The following NAALADL2 variants were observed in gnomAD, a reference collection of about 807,000 sequenced individuals.
The protein encoded by NAALADL2 is inactive N-acetylated-alpha-linked acidic dipeptidase-like protein 2.
In NAALADL2, 76 loss-of-function variants were observed where a neutral mutation model predicts 87.2. The observed-to-expected ratio is 0.87, with a 90% CI of 0.72 to 1.05. The LOEUF is 1.05. NAALADL2 is among the 50% of genes least tolerant of loss of function. The probability of loss-of-function intolerance (pLI) is 0.00; values close to 1 mark genes in which losing one functional copy is unlikely to be tolerated. For synonymous variants in NAALADL2, 354 were observed against 331.0 expected, an observed-to-expected ratio of 1.07 and a Z score of -0.75; for missense variants, 1,089 against 945.8, an observed-to-expected ratio of 1.15 and a Z score of -1.99.
At chr3:175,131,633 G>A (rs989909318) in intron 2 of NAALADL2, among the ~76,000 whole-genome samples, 2 of 152,150 alleles carry the variant, frequency 1.3e-5, no homozygotes, top group South Asian at 4.1e-4. Flanking sequence ...TTGTCATCCT[G>A]GCCCGTTCTC....
intron 11 of NAALADL2, among the ~76,000 whole-genome samples, chr3:175,697,758 T>A (rs2149945015): frequency 6.8e-6 from 1 of 147,812 alleles, no homozygotes; most frequent in South Asian, 2.1e-4. Context: ...CACATGTAAA[T>A]GTATGTATAC....
chr3:175,274,059 A>G (rs913915551), intron 4 of NAALADL2, among the ~76,000 whole-genome samples: 1 of 152,182 alleles, frequency 6.6e-6, no homozygotes, highest in South Asian at 2.1e-4. Context: ...TCATACTGCT[A>G]ATAAAGAATA....
intron 9 of NAALADL2, among the ~76,000 whole-genome samples, chr3:175,503,306 C>T (rs988054915): frequency 2.0e-5 from 3 of 152,094 alleles, no homozygotes; most frequent in African/African-American, 4.8e-5. Context: ...CTGTGTACCA[C>T]CTTTTCTTTA....
intron 2 of NAALADL2, among the ~76,000 whole-genome samples, chr3:174,566,406 G>A (rs1161873613): frequency 2.0e-5 from 3 of 151,760 alleles, no homozygotes; most frequent in African/African-American, 7.2e-5. Flanking sequence ...TATTTGTAGA[G>A]GATCTGGCTT....
At chr3:175,067,465 C>G (rs958834384) in intron 1 of NAALADL2, among the ~76,000 whole-genome samples, 18 of 152,032 alleles carry the variant, frequency 1.2e-4, no homozygotes, top group African/African-American at 4.3e-4. Context: ...CAAGACATAT[C>G]AGCGGCCAAC....
At chr3:175,231,220 T>TTG (rs1744889213) in intron 2 of NAALADL2, among the ~76,000 whole-genome samples, 1 of 152,044 alleles carries the variant, frequency 6.6e-6, no homozygotes. Context: ...AGATTGATGC[T>TTG]ACCCTGGGGA....
chr3:174,535,541 C>G (rs1721641740), intron 1 of NAALADL2, among the ~76,000 whole-genome samples: 1 of 152,072 alleles, frequency 6.6e-6, no homozygotes, highest in Admixed American at 6.6e-5. Context: ...TGACAATTTG[C>G]TATGAACCGG....
intron 10 of NAALADL2, among the ~76,000 whole-genome samples, chr3:175,583,945 A>T (rs1215910075): frequency 6.6e-6 from 1 of 152,122 alleles, no homozygotes; most frequent in Non-Finnish European, 1.5e-5. Context: ...TGCGTCAGGC[A>T]TTGTTCTGTT....
intron 1 of NAALADL2, among the ~76,000 whole-genome samples, chr3:174,471,840 C>T (rs1374644018): frequency 2.0e-5 from 3 of 151,986 alleles, no homozygotes; most frequent in Non-Finnish European, 2.9e-5. Flanking sequence ...CTATTCCTGT[C>T]AATAACTTTG....
chr3:175,063,295 T>C (rs574578728), intron 1 of NAALADL2, among the ~76,000 whole-genome samples: 73 of 152,240 alleles, frequency 4.8e-4, no homozygotes, highest in African/African-American at 1.6e-3. Context: ...AATTAAACAA[T>C]TGATTTGATA....
chr3:175,155,605 C>A (rs984009568), intron 2 of NAALADL2, among the ~76,000 whole-genome samples: 1 of 152,034 alleles, frequency 6.6e-6, no homozygotes, highest in East Asian at 1.9e-4. Context: ...TTTCTATTTG[C>A]TTTATGCTAT....
At chr3:175,532,576 G>A (rs1039473463) in intron 9 of NAALADL2, among the ~76,000 whole-genome samples, 8 of 152,134 alleles carry the variant, frequency 5.3e-5, no homozygotes, top group Non-Finnish European at 7.4e-5. Context: ...AATGCAGTAG[G>A]CTGCCTATCA....
chr3:175,285,199 A>G (rs182165842), intron 4 of NAALADL2, among the ~76,000 whole-genome samples: 160 of 152,296 alleles, frequency 1.1e-3, no homozygotes, highest in Non-Finnish European at 2.0e-3. Context: ...AAAATCCTAT[A>G]AAACTTTTTA....
At position 175,804,989 on chromosome 3, in the gene NAALADL2, G is replaced by A. The variant is rs1754577715; in HGVS notation, c.*1786G>A. 6.6e-6 allele frequency: 1 copy of A among 151,798 alleles called. No homozygotes were observed. Among genetic ancestry groups the A allele is most frequent in the Non-Finnish European group, 1.5e-5 (1 of 67,856 alleles). 9.4% of individuals were successfully genotyped at this position (151,798 alleles called of 1,614,324 possible). ...TTGCCATGTTGAAGAGTGTGTATAG[G>A]AAAGGTCTAGAAATAAATAGGCTTG... On this transcript the variant is annotated 3_prime_UTR_variant, in exon 14 of 14. Transcript: ENST00000454872.
intron 3 of NAALADL2, among the ~76,000 whole-genome samples, chr3:174,828,162 A>AC (rs200210407): frequency 0.019 from 2,937 of 151,538 alleles, 102 homozygotes; most frequent in African/African-American, 0.068. Flanking sequence ...CTCTGAAACC[A>AC]ACCACACACA....
intron 2 of NAALADL2, among the ~76,000 whole-genome samples, chr3:174,640,789 T>G (rs771201017): frequency 6.6e-6 from 1 of 152,220 alleles, no homozygotes; most frequent in Non-Finnish European, 1.5e-5. Flanking sequence ...TGGCATTGCT[T>G]GCTGCTAGGG....
At chr3:175,126,022 T>C (rs1292940343) in intron 2 of NAALADL2, among the ~76,000 whole-genome samples, 1 of 152,094 alleles carries the variant, frequency 6.6e-6, no homozygotes, top group Admixed American at 6.6e-5. Flanking sequence ...TAAGAGTATG[T>C]AGTGTTCAAC....
intron 3 of NAALADL2, among the ~76,000 whole-genome samples, chr3:174,770,859 A>T (rs568866485): frequency 1.4e-5 from 2 of 147,702 alleles, no homozygotes; most frequent in Non-Finnish European, 3.0e-5. Context: ...AAAAAAAAAA[A>T]GAAAAAAAAA....
At chr3:174,468,188 A>G (rs1231731399) in intron 1 of NAALADL2, among the ~76,000 whole-genome samples, 1 of 152,108 alleles carries the variant, frequency 6.6e-6, no homozygotes, top group African/African-American at 2.4e-5. Flanking sequence ...AATCTGTCTA[A>G]GGTAGGACAC....
Sources: allele counts gnomAD v4.1 joint callset (sites outside exome capture counted in the v4.1 genomes callset), GRCh38; gene constraint gnomAD v4.1.1; transcripts MANE v1.5; gene names NCBI Gene and HGNC (gene_info 2026-07-23, HGNC 2026-07-21).